The following RALGPS1 variants were observed in gnomAD, a reference collection of about 807,000 sequenced individuals.
RALGPS1 encodes the protein Ral GEF with PH domain and SH3 binding motif 1, also known as ras-specific guanine nucleotide-releasing factor RalGPS1.
RALGPS1 carries 19 observed loss-of-function variants against 78.8 expected under a neutral mutation model. The observed-to-expected ratio is 0.24, with a 90% confidence interval of 0.17 to 0.35. The LOEUF is 0.35. RALGPS1 is among the 10% of genes least tolerant of loss of function. The pLI, the probability that RALGPS1 is intolerant of heterozygous loss-of-function variation, is 1.00. For synonymous variants in RALGPS1, 228 were observed against 256.3 expected (o/e 0.89, Z 1.06); for missense variants, 454 against 688.3 (o/e 0.66, Z 3.81).
In RALGPS1 at chr9:127,212,758, CT is replaced by C; in HGVS notation, c.1446+40del. 6.4e-7 allele frequency: 1 copy of C among 1,562,180 alleles called. No individual in the cohort carries two copies. The highest frequency in any genetic ancestry group is 2.3e-5 in the East Asian group (1 of 44,098). On this transcript the variant is annotated intron_variant, in intron 16 of 18. Transcript: ENST00000259351. The surrounding 1 kb of genome is among the most constrained non-coding windows in gnomAD (Gnocchi z 6.0). ...AAGGACTCTAGTGCTGGGACTTCCTCTAGTGGGGAAGGGACCTCTGTGAACT... is the reference window on the plus strand; with the variant it reads ...AAGGACTCTAGTGCTGGGACTTCCTCAGTGGGGAAGGGACCTCTGTGAACT...
intron 8 of RALGPS1, among the ~76,000 whole-genome samples, chr9:127,160,784 C>CTGA (rs1457842822): frequency 6.6e-6 from 1 of 152,218 alleles, no homozygotes; most frequent in Non-Finnish European, 1.5e-5. Context: ...AATTCAAATC[C>CTGA]TGATTCTCTC....
intron 4 of RALGPS1, among the ~76,000 whole-genome samples, chr9:127,023,198 C>T (rs1470798381): frequency 6.6e-6 from 1 of 152,124 alleles, no homozygotes; most frequent in Non-Finnish European, 1.5e-5. Context: ...AGGCTTGGAC[C>T]TAGGCAATGT....
chr9:126,914,842 C>T lies in RALGPS1; in HGVS notation c.-199C>T, dbSNP rs1379202738. The T allele has an allele frequency of 6.6e-6, 1 of 152,252 alleles. No individual in the cohort carries two copies. The highest frequency in any genetic ancestry group is 1.5e-5 in the Non-Finnish European group (1 of 68,102). The allele number at this position is 152,252 out of a possible 1,614,324, so 9.4% of individuals were successfully genotyped here. A position where few individuals can be genotyped will look rare whatever the true frequency, so the allele number is the denominator to read the frequency against. ...CACCGGCTCCGCTCCCGCGTCTGCC[C>T]GCGCTCCAGCTGCGCCTGGCCCGGC... is the stretch of plus-strand genomic sequence containing the variant. On this transcript the variant is annotated 5_prime_UTR_variant, in exon 1 of 19. Coordinates refer to ENST00000259351, the MANE Select transcript of RALGPS1 (RefSeq NM_014636.3).
chr9:127,101,804 C>A (rs948658481), intron 8 of RALGPS1, among the ~76,000 whole-genome samples: 1 of 152,152 alleles, frequency 6.6e-6, no homozygotes, highest in South Asian at 2.1e-4. Flanking sequence ...CATTTAGGAG[C>A]TGTTGCATTT....
chr9:127,016,730 G>A (rs901499429), intron 4 of RALGPS1: 4 of 152,194 alleles, frequency 2.6e-5, no homozygotes, highest in African/African-American at 4.8e-5. Context: ...GTCATACGCA[G>A]TGTCATCATC....
At chr9:127,115,090 G>A (rs1298309480) in intron 8 of RALGPS1, among the ~76,000 whole-genome samples, 6 of 152,220 alleles carry the variant, frequency 3.9e-5, no homozygotes, top group Admixed American at 3.9e-4. Flanking sequence ...TGGGTGCCCA[G>A]CTGTACTCTA....
intron 14 of RALGPS1, among the ~76,000 whole-genome samples, chr9:127,202,493 G>T (rs1018739822): frequency 6.6e-6 from 1 of 152,160 alleles, no homozygotes; most frequent in Non-Finnish European, 1.5e-5. Context: ...GAATGGGTCT[G>T]TTCCTACTGG....
intron 4 of RALGPS1, among the ~76,000 whole-genome samples, chr9:127,021,268 G>A (rs972782575): frequency 3.3e-5 from 5 of 152,040 alleles, no homozygotes; most frequent in African/African-American, 9.7e-5. Flanking sequence ...TTGCGAGGCC[G>A]AGGCAGGTGG....
At chr9:126,994,866 G>T (rs1006565989) in intron 4 of RALGPS1, among the ~76,000 whole-genome samples, 1 of 152,058 alleles carries the variant, frequency 6.6e-6, no homozygotes, top group Non-Finnish European at 1.5e-5. Flanking sequence ...AGAGAGTGGG[G>T]ACCAATATTC....
intron 4 of RALGPS1, among the ~76,000 whole-genome samples, chr9:126,983,391 T>C (rs1419342135): frequency 1.3e-5 from 2 of 152,240 alleles, no homozygotes; most frequent in Non-Finnish European, 2.9e-5. Context: ...CCTCTTTTTT[T>C]CTTTTTATTT....
In RALGPS1 at chr9:127,052,842, T is replaced by A; in HGVS notation, c.391-5T>A. On this transcript the variant is annotated splice_polypyrimidine_tract_variant and splice_region_variant and intron_variant, in intron 6 of 18. Coordinates refer to ENST00000259351, the MANE Select transcript of RALGPS1 (RefSeq NM_014636.3). ...AAAATAATCTATTCCATATCTTTTT[T>A]TCAGAAACTTCTAGAACTCAACAAC... 1 of 1,582,902 alleles carries A rather than the reference T, an allele frequency of 6.3e-7. No individual in the cohort carries two copies. Among genetic ancestry groups the A allele is most frequent in the Non-Finnish European group, 8.7e-7 (1 of 1,152,144 alleles).
At chr9:127,214,707 C>T (rs1438520545) in intron 17 of RALGPS1, 44 bp from the exon 18 acceptor site, 4 of 1,573,800 alleles carry the variant, frequency 2.5e-6, no homozygotes, top group Non-Finnish European at 3.4e-6. Flanking sequence ...AGCTGACCCT[C>T]CTACGTGGCC....
chr9:127,194,489 T>C (rs900764948), intron 11 of RALGPS1, among the ~76,000 whole-genome samples: 2 of 152,304 alleles, frequency 1.3e-5, no homozygotes, highest in East Asian at 3.9e-4. Context: ...CTTGGCTCAC[T>C]GCAACTTCCA....
chr9:127,160,404 C>T (rs963544672), intron 8 of RALGPS1, among the ~76,000 whole-genome samples: 2 of 152,200 alleles, frequency 1.3e-5, no homozygotes, highest in Non-Finnish European at 2.9e-5. Flanking sequence ...TGGAGCAGAA[C>T]GAGGTGAGAG....
chr9:126,987,993 G>A (rs1274351494), intron 4 of RALGPS1, among the ~76,000 whole-genome samples: 1 of 152,204 alleles, frequency 6.6e-6, no homozygotes, highest in African/African-American at 2.4e-5. Flanking sequence ...GTGGCCAAGA[G>A]CATCGCAAAA....
intron 14 of RALGPS1, among the ~76,000 whole-genome samples, chr9:127,203,358 T>A (rs1296760524): frequency 6.6e-6 from 1 of 152,226 alleles, no homozygotes; most frequent in East Asian, 1.9e-4. Flanking sequence ...CAGAAATGAT[T>A]ACTGATCAGT....
chr9:127,047,127 G>A (rs1017756759), intron 5 of RALGPS1, among the ~76,000 whole-genome samples: 5 of 151,982 alleles, frequency 3.3e-5, no homozygotes, highest in South Asian at 2.1e-4. Flanking sequence ...AGGTACACAC[G>A]CTTTTATTCA....
At chr9:126,968,935 C>T (rs2039809423) in intron 3 of RALGPS1, among the ~76,000 whole-genome samples, 1 of 152,056 alleles carries the variant, frequency 6.6e-6, no homozygotes, top group Non-Finnish European at 1.5e-5. Context: ...GTAATCCCAG[C>T]TACTCAGGAG....
chr9:126,982,433 T>C (rs568166184), intron 4 of RALGPS1, among the ~76,000 whole-genome samples: 1 of 152,320 alleles, frequency 6.6e-6, no homozygotes, highest in African/African-American at 2.4e-5. Flanking sequence ...ACCTCCGTCA[T>C]AGGGTTTATT....
Sources: allele counts gnomAD v4.1 joint callset (sites outside exome capture counted in the v4.1 genomes callset), GRCh38; gene constraint gnomAD v4.1.1; non-coding constraint Gnocchi (gnomAD v3.1); transcripts MANE v1.5; gene names NCBI Gene and HGNC (gene_info 2026-07-23, HGNC 2026-07-21).